The following GTPBP3 variants were observed in gnomAD, a reference collection of about 807,000 sequenced individuals.
The protein encoded by GTPBP3 is GTP binding protein 3, mitochondrial.
Under a neutral mutation model 42.0 loss-of-function variants are expected in GTPBP3, and 35 were observed. That is an observed-to-expected ratio of 0.83 (90% confidence interval 0.64 to 1.10). The LOEUF is 1.10. Among genes scored for constraint, GTPBP3 ranks in the 50% least tolerant of loss-of-function variants. The probability of loss-of-function intolerance (pLI) is 0.00; values close to 1 mark genes in which losing one functional copy is unlikely to be tolerated. For synonymous variants in GTPBP3, 332 were observed against 314.9 expected, an observed-to-expected ratio of 1.05 and a Z score of -0.58; for missense variants, 691 against 685.2, an observed-to-expected ratio of 1.01 and a Z score of -0.09.
Position 17,339,585 on chromosome 19 carries a change from GCGC to G in GTPBP3, c.961_963del (p.Arg321del). ...GGCCCGTGGAGCAGGAGGGCGTGCG[GCGC>G]GCCCGGGAGAGGTGGGCGGACAGGG... On this transcript the variant is annotated inframe_deletion, in exon 7 of 9. Transcript: ENST00000324894. 6.2e-7 allele frequency: 1 copy of G among 1,607,038 alleles called. No homozygotes were observed. Among genetic ancestry groups the G allele is most frequent in the Non-Finnish European group, 8.5e-7 (1 of 1,178,632 alleles).
chr19:17,337,688 C>A (rs1301200870), intron 1 of GTPBP3, 24 bp downstream of exon 1: 3 of 1,367,690 alleles, frequency 2.2e-6, no homozygotes, highest in Non-Finnish European at 2.8e-6. Context: ...GGAAGGGGTG[C>A]GACAGCTTGG....
chr19:17,335,260 T>C, upstream of GTPBP3: 1 of 1,294,850 alleles, frequency 7.7e-7, no homozygotes, highest in East Asian at 2.5e-5. Context: ...ACGCACCATT[T>C]GGCTGCCTAG....
rs761548656 is a variant in GTPBP3, at chr19:17,339,169, A to G, written c.711A>G (p.Leu237=). 2 of 1,613,852 alleles carry G rather than the reference A, an allele frequency of 1.2e-6. No individual in the cohort carries two copies. Among genetic ancestry groups the G allele is most frequent in the Non-Finnish European group, 8.5e-7 (1 of 1,180,016 alleles). ...TGCAGGTGGCCCTGGGTGCACATCT[A>G]CGAGATGCCAGGCGCGGGCAGAGGC... ...RALQVALGAH[L]RDARRGQRLR... is the part of the protein sequence containing the mutation. Residue 237 remains leucine, a synonymous_variant, in exon 6 of 9, where the codon CTA becomes CTG. Coordinates refer to ENST00000324894, the MANE Select transcript of GTPBP3 (RefSeq NM_032620.4).
rs1345342664 is a variant in GTPBP3 at position 17,337,576 on chromosome 19, G to A, written c.-36G>A. 3 of 1,318,158 alleles carry A rather than the reference G, an allele frequency of 2.3e-6. No homozygotes were observed. In the African/African-American group the frequency reaches 4.6e-5, roughly 20 times the overall value. 81.7% of individuals were successfully genotyped at this position (1,318,158 alleles called of 1,614,324 possible). On this transcript the variant is annotated 5_prime_UTR_variant, in exon 1 of 9. Transcript: ENST00000324894. ...CCCTGCCCAGACTTGAAGCCACACA[G>A]GCAGGTCGGGCAGGCGGGTCGCAGG...
chr19:17,341,387 A>G lies in GTPBP3; in HGVS notation c.1253+65A>G. ...TTTAAGTGTGGGTCCCTCAACTTCA[A>G]TTTCTGAACCTACAAAATGGGTACA... On this transcript the variant is annotated intron_variant, in intron 8 of 8. Transcript: ENST00000324894. The G allele has an allele frequency of 3.9e-6, 6 of 1,552,800 alleles. No homozygotes were observed. In the Admixed American group the frequency reaches 1.1e-4, roughly 29 times the overall value.
At chr19:17,335,949 C>A (rs1179535592), upstream of GTPBP3, among the ~76,000 whole-genome samples, 2 of 151,500 alleles carry the variant, frequency 1.3e-5, no homozygotes, top group Non-Finnish European at 2.9e-5. Flanking sequence ...AATATTAAAG[C>A]CTCGGCCGGG....
Position 17,342,730 on chromosome 19 carries a change from T to A in GTPBP3, c.*1027T>A. On this transcript the variant is annotated 3_prime_UTR_variant, in exon 9 of 9. Transcript: ENST00000324894. ...ATAAATGGTATTGTGTTCATTGCTC[T>A]ACAAATTGTCATTTCTTTTTAAAAA... 1 of 151,020 alleles carries A rather than the reference T, an allele frequency of 6.6e-6. No individual in the cohort carries two copies. 9.4% of individuals were successfully genotyped at this position (151,020 alleles called of 1,614,324 possible).
At position 17,342,540 on chromosome 19, in the gene GTPBP3, A is replaced by T. The variant is rs2145708719; in HGVS notation, c.*837A>T. On this transcript the variant is annotated 3_prime_UTR_variant, in exon 9 of 9. Transcript: ENST00000324894. ...TACCTTGGCCTCCCAAAGTGCTGGG[A>T]TCACAGGCGTGAGCTATCACACCTG... The T allele has an allele frequency of 6.6e-6, 1 of 152,026 alleles. No individual in the cohort carries two copies. Among genetic ancestry groups the T allele is most frequent in the African/African-American group, 2.4e-5 (1 of 41,442 alleles). 9.4% of individuals were successfully genotyped at this position (152,026 alleles called of 1,614,324 possible).
chr19:17,337,439 G>A (rs2074377546), upstream of GTPBP3: 1 of 1,215,758 alleles, frequency 8.2e-7, no homozygotes, highest in South Asian at 4.2e-5. Context: ...CCTTGCACCA[G>A]CCAATGGAAG....
chr19:17,337,962 G>T, intron 1 of GTPBP3, 46 bp from the exon 2 acceptor site: 2 of 1,588,134 alleles, frequency 1.3e-6, no homozygotes, highest in South Asian at 2.2e-5. Context: ...TTGACACTGA[G>T]GCTGAGCCTC....
rs2145707738 is a variant in GTPBP3, at chr19:17,341,913, C to T, written c.*210C>T. 2 of 454,756 alleles carry T rather than the reference C, an allele frequency of 4.4e-6. No homozygotes were observed. Among genetic ancestry groups the T allele is most frequent in the East Asian group, 3.4e-5 (1 of 29,728 alleles). The allele number at this position is 454,756 out of a possible 1,614,324, so 28.2% of individuals were successfully genotyped here. On this transcript the variant is annotated 3_prime_UTR_variant, in exon 9 of 9. Coordinates refer to ENST00000324894, the MANE Select transcript of GTPBP3 (RefSeq NM_032620.4). Reference sequence around the variant, plus strand: ...AATGGGGCTGAATGGAGGTCCCGTTCGACCCTTGATGCTGGGGCATCCGGG... The same window carrying T: ...AATGGGGCTGAATGGAGGTCCCGTTTGACCCTTGATGCTGGGGCATCCGGG...
Position 17,338,347 on chromosome 19 carries a change from A to T in GTPBP3, c.302-18A>T. The T allele has an allele frequency of 6.2e-7, 1 of 1,613,426 alleles. No homozygotes were observed. Among genetic ancestry groups the T allele is most frequent in the Non-Finnish European group, 8.5e-7 (1 of 1,179,722 alleles). On this transcript the variant is annotated intron_variant, in intron 2 of 8. Transcript: ENST00000324894. ...GCACTGGCTGTGCTGTCCTCCTGTC[A>T]CCTGTCTGTCACATTAGGTCCCCAG...
chr19:17,341,780 T>C lies in GTPBP3; in HGVS notation c.*77T>C, dbSNP rs1215320989. The stretch of plus-strand genomic sequence containing the variant: ...GGGATCTGGAAACAGTTTAGGCCAA[T>C]TGGGATTCTCATTCGCCTGGGAAAG... On this transcript the variant is annotated 3_prime_UTR_variant, in exon 9 of 9. Coordinates refer to ENST00000324894, the MANE Select transcript of GTPBP3 (RefSeq NM_032620.4). The C allele has an allele frequency of 2.4e-6, 3 of 1,264,366 alleles. No individual in the cohort carries two copies. The highest frequency in any genetic ancestry group is 3.0e-5 in the South Asian group (2 of 67,196). 78.3% of individuals were successfully genotyped at this position (1,264,366 alleles called of 1,614,324 possible). A position where few individuals can be genotyped will look rare whatever the true frequency, so the allele number is the denominator to read the frequency against.
rs2074386578 is a variant in GTPBP3 at position 17,338,175 on chromosome 19, C to A, written c.221C>A (p.Ala74Asp). 5 of 1,591,706 alleles carry A rather than the reference C, an allele frequency of 3.1e-6. No individual in the cohort carries two copies. Among genetic ancestry groups the A allele is most frequent in the Non-Finnish European group, 3.4e-6 (4 of 1,175,628 alleles). The change falls in exon 2 of 9, where the codon GCT (alanine) becomes GAT (aspartate). Residue 74 changes from alanine to aspartate, a missense_variant. Coordinates refer to ENST00000324894, the MANE Select transcript of GTPBP3 (RefSeq NM_032620.4). Reference sequence around the variant, plus strand: ...ACAGCACCCCGAGACCTGCCCCTTGCTCGCCACGCCAGCCTGCGCCTGCTC... The same window carrying A: ...ACAGCACCCCGAGACCTGCCCCTTGATCGCCACGCCAGCCTGCGCCTGCTC... ...ILTAPRDLPL[A>D]RHASLRLLSD... is the part of the protein sequence containing the mutation.
chr19:17,340,988 C>T, intron 7 of GTPBP3, 56 bp from the exon 8 acceptor site: 2 of 1,574,880 alleles, frequency 1.3e-6, no homozygotes, highest in Non-Finnish European at 1.7e-6. Flanking sequence ...TCCCTCCACC[C>T]AGTGCCTTCA....
rs766796409 is a variant in GTPBP3 at position 17,339,174 on chromosome 19, A to C, written c.716A>C (p.Asp239Ala). 1.2e-6 allele frequency: 2 copies of C among 1,613,838 alleles called. No homozygotes were observed. The highest frequency in any genetic ancestry group is 3.3e-5 in the Admixed American group (2 of 60,026). ...LQVALGAHLRDARRGQRLRSG... is the reference protein window; with the variant it reads ...LQVALGAHLRAARRGQRLRSG... The stretch of plus-strand genomic sequence containing the variant: ...GTGGCCCTGGGTGCACATCTACGAG[A>C]TGCCAGGCGCGGGCAGAGGCTCCGC... Residue 239 changes from aspartate (D) to alanine (A), a missense_variant, in exon 6 of 9, where the codon GAT becomes GCT. By Grantham distance (126) the Asp-to-Ala change is moderately radical. Coordinates refer to ENST00000324894, the MANE Select transcript of GTPBP3 (RefSeq NM_032620.4).
At chr19:17,335,950 C>T (rs1237486561), upstream of GTPBP3, among the ~76,000 whole-genome samples, 4 of 151,536 alleles carry the variant, frequency 2.6e-5, no homozygotes, top group African/African-American at 9.7e-5. Context: ...ATATTAAAGC[C>T]TCGGCCGGGC....
Position 17,339,289 on chromosome 19 carries a change from G to A in GTPBP3, c.808+23G>A, listed in dbSNP as rs751732138. On this transcript the variant is annotated intron_variant, in intron 6 of 8. Coordinates refer to ENST00000324894, the MANE Select transcript of GTPBP3 (RefSeq NM_032620.4). Reference sequence around the variant, plus strand: ...TCAGTGAGTAGGCGGCGGGAAGGGGGCGGGGCCTAGTGCCAGGGGCGGGGC... The same window carrying A: ...TCAGTGAGTAGGCGGCGGGAAGGGGACGGGGCCTAGTGCCAGGGGCGGGGC... 3.1e-6 allele frequency: 5 copies of A among 1,588,886 alleles called. No individual in the cohort carries two copies. The African/African-American group carries it at 5.4e-5, about 17-fold the overall frequency.
upstream of GTPBP3, among the ~76,000 whole-genome samples, chr19:17,336,235 CAAA>C (rs1196472362): frequency 6.3e-5 from 1 of 15,792 alleles, no homozygotes; most frequent in Non-Finnish European, 1.1e-4. Context: ...GACCCCGTCT[CAAA>C]AAAAAAAAAA....
Sources: allele counts gnomAD v4.1 joint callset (sites outside exome capture counted in the v4.1 genomes callset), GRCh38; gene constraint gnomAD v4.1.1; transcripts MANE v1.5; gene names NCBI Gene and HGNC (gene_info 2026-07-23, HGNC 2026-07-21).